The following EHF variants were observed in gnomAD, a reference collection of about 807,000 sequenced individuals.
The protein encoded by EHF is ESE3 transcription factor.
Under a neutral mutation model 45.1 loss-of-function variants are expected in EHF, and 14 were observed. The observed-to-expected ratio is 0.31, with a 90% CI of 0.21 to 0.49. The LOEUF (loss-of-function observed/expected upper bound fraction) is 0.49, where lower values mean the gene tolerates loss of function less well. Ranked by LOEUF, EHF falls within the 20% of genes least tolerant of loss-of-function variation. The pLI, the probability that EHF is intolerant of heterozygous loss-of-function variation, is 0.99. For missense variants in EHF, 282 were observed against 371.4 expected (o/e 0.76, Z 1.98); for synonymous variants, 136 against 131.8 (o/e 1.03, Z -0.22).
chr11:34,644,853 T>A (rs577491322), intron 2 of EHF, among the ~76,000 whole-genome samples: 1 of 152,348 alleles, frequency 6.6e-6, no homozygotes, highest in East Asian at 1.9e-4. Flanking sequence ...CCAGACCTGT[T>A]GAATCAGAAT....
chr11:34,621,841 G>T (rs1330964455), intron 1 of EHF, among the ~76,000 whole-genome samples: 1 of 152,146 alleles, frequency 6.6e-6, no homozygotes, highest in Non-Finnish European at 1.5e-5. Flanking sequence ...CAAAAATTCA[G>T]AAAAAACAAA....
At position 34,662,315 on chromosome 11, in the gene EHF, T is replaced by A. The variant is rs1318734517; in HGVS notation, c.*3384T>A. Among the ~76,000 whole-genome samples the A allele has an allele frequency of 6.6e-6, 1 of 151,974 alleles. No individual in the cohort carries two copies. Among genetic ancestry groups the A allele is most frequent in the African/African-American group, 2.4e-5 (1 of 41,378 alleles). On this transcript the variant is annotated 3_prime_UTR_variant, in exon 9 of 9. Transcript: ENST00000257831. ...AGGACATATTATCTACTATGAACAT[T>A]TTACTGTGAGACTCTTTATTTTGCC...
chr11:34,622,529 A>G (rs1296596204), intron 1 of EHF: 2 of 434,918 alleles, frequency 4.6e-6, no homozygotes, highest in Admixed American at 7.5e-5. Flanking sequence ...ACAGAAAAGA[A>G]GAAGATACGT....
At chr11:34,630,403 A>C (rs1033850013) in intron 1 of EHF, among the ~76,000 whole-genome samples, 1 of 152,222 alleles carries the variant, frequency 6.6e-6, no homozygotes, top group Non-Finnish European at 1.5e-5. Context: ...TCATGTAATG[A>C]CTAGTTCTAT....
At position 34,662,534 on chromosome 11, in the gene EHF, G is replaced by T. The variant is rs918466883; in HGVS notation, c.*3603G>T. Reference sequence around the variant, plus strand: ...ATATGATGTAAATTGCTATTTAAGTGTAAAGCAGTTCTAAGTTTTAGTATT... The same window carrying T: ...ATATGATGTAAATTGCTATTTAAGTTTAAAGCAGTTCTAAGTTTTAGTATT... On this transcript the variant is annotated 3_prime_UTR_variant, in exon 9 of 9. Coordinates refer to ENST00000257831, the MANE Select transcript of EHF (RefSeq NM_012153.6). 1.2e-4 allele frequency among the ~76,000 whole-genome samples: 18 copies of T among 152,066 alleles called. No individual in the cohort carries two copies. The highest frequency in any genetic ancestry group is 4.1e-4 in the African/African-American group (17 of 41,404).
chr11:34,659,197 C>T lies in EHF; in HGVS notation c.*266C>T. 1 of 300,614 alleles carries T rather than the reference C, an allele frequency of 3.3e-6. No homozygotes were observed. 18.6% of individuals were successfully genotyped at this position (300,614 alleles called of 1,614,324 possible). ...TGTATGTGGTTGTGATTTTTTTTCA[C>T]CTCTATTGTGAATTCTTTTTCACTG... On this transcript the variant is annotated 3_prime_UTR_variant, in exon 9 of 9. Coordinates refer to ENST00000257831, the MANE Select transcript of EHF (RefSeq NM_012153.6).
chr11:34,657,026 C>T (rs558884835), intron 7 of EHF, 56 bp downstream of exon 7: 1 of 1,596,382 alleles, frequency 6.3e-7, no homozygotes, highest in African/African-American at 1.3e-5. Flanking sequence ...TCGGGCACAT[C>T]TGGAGGCCAC....
At chr11:34,632,443 G>A in intron 1 of EHF, 1 of 1,481,256 alleles carries the variant, frequency 6.8e-7, no homozygotes, top group Non-Finnish European at 8.9e-7. Flanking sequence ...GTCTCAGAGA[G>A]AGACATTCAG....
intron 1 of EHF, among the ~76,000 whole-genome samples, chr11:34,637,330 C>T (rs1394396108): frequency 1.3e-5 from 2 of 152,170 alleles, no homozygotes; most frequent in African/African-American, 2.4e-5. Flanking sequence ...CCTGGAGAAG[C>T]AGGCGCATGG....
chr11:34,639,643 A>G (rs1853786250), intron 1 of EHF, among the ~76,000 whole-genome samples: 1 of 152,198 alleles, frequency 6.6e-6, no homozygotes, highest in African/African-American at 2.4e-5. Context: ...GGAAATGCTG[A>G]CCTTCTTTGC....
At chr11:34,629,736 T>A (rs1240932455) in intron 1 of EHF, among the ~76,000 whole-genome samples, 1 of 152,194 alleles carries the variant, frequency 6.6e-6, no homozygotes, top group East Asian at 1.9e-4. Context: ...ATATTCATGG[T>A]CTTTCTCTGG....
chr11:34,656,686 A>C (rs1855704617), intron 6 of EHF, among the ~76,000 whole-genome samples: 1 of 152,184 alleles, frequency 6.6e-6, no homozygotes, highest in Admixed American at 6.5e-5. Context: ...ATCAAATTGC[A>C]AATTATTCCC....
intron 1 of EHF, chr11:34,622,478 T>C (rs879822520): frequency 3.6e-5 from 38 of 1,067,774 alleles, no homozygotes; most frequent in Non-Finnish European, 4.2e-5. Context: ...TGTGTGACTG[T>C]GTGTTAATTC....
chr11:34,655,673 T>A (rs994118509), intron 6 of EHF, among the ~76,000 whole-genome samples: 1 of 152,244 alleles, frequency 6.6e-6, no homozygotes, highest in African/African-American at 2.4e-5. Flanking sequence ...GTGAATTAAA[T>A]AAAGTGATTC....
chr11:34,629,139 G>A (rs1168596972), intron 1 of EHF, among the ~76,000 whole-genome samples: 1 of 152,192 alleles, frequency 6.6e-6, no homozygotes, highest in African/African-American at 2.4e-5. Flanking sequence ...GCCTGTTGAG[G>A]AGGGAGGATG....
intron 6 of EHF, among the ~76,000 whole-genome samples, chr11:34,654,987 C>T (rs1479906415): frequency 5.3e-5 from 8 of 152,152 alleles, no homozygotes; most frequent in Non-Finnish European, 1.2e-4. Flanking sequence ...CAACGTGGCC[C>T]TGTCAGAGTG....
rs1854138559 is a variant in EHF, at chr11:34,642,794, A to G, written c.97+67A>G. The G allele has an allele frequency of 1.1e-5, 13 of 1,163,514 alleles. No homozygotes were observed. In the South Asian group the frequency reaches 1.5e-4, roughly 14 times the overall value. The allele number at this position is 1,163,514 out of a possible 1,614,324, so 72.1% of individuals were successfully genotyped here. Reference sequence around the variant, plus strand: ...TGGGCTCTTTGCTTTAATTCCTCTCACAACCTAATGTTTGAAAAATATAGG... The same window carrying G: ...TGGGCTCTTTGCTTTAATTCCTCTCGCAACCTAATGTTTGAAAAATATAGG... On this transcript the variant is annotated intron_variant, in intron 2 of 8. Coordinates refer to ENST00000257831, the MANE Select transcript of EHF (RefSeq NM_012153.6).
chr11:34,637,166 C>T (rs966622323), intron 1 of EHF, among the ~76,000 whole-genome samples: 1 of 152,094 alleles, frequency 6.6e-6, no homozygotes, highest in Admixed American at 6.6e-5. Flanking sequence ...TCTGCTATGC[C>T]CATATTTGCC....
chr11:34,651,905 T>C (rs1590529916), intron 6 of EHF, 100 bp downstream of exon 6: 2 of 1,179,744 alleles, frequency 1.7e-6, no homozygotes, highest in East Asian at 4.7e-5. Flanking sequence ...GGAGTCTTTC[T>C]AATTAAAGGG....
Sources: allele counts gnomAD v4.1 joint callset (sites outside exome capture counted in the v4.1 genomes callset), GRCh38; gene constraint gnomAD v4.1.1; transcripts MANE v1.5; gene names NCBI Gene and HGNC (gene_info 2026-07-23, HGNC 2026-07-21).